SFTPA1: variants seen among roughly 807,000 people sequenced by gnomAD.
SFTPA1 encodes surfactant protein A1.
A neutral mutation model predicts 19.1 loss-of-function variants in SFTPA1; 13 were observed. The ratio of observed to expected loss-of-function variants is 0.68; its 90% CI spans 0.44 to 1.08. The LOEUF (loss-of-function observed/expected upper bound fraction) is 1.08. Ranked by LOEUF, SFTPA1 falls within the 50% of genes least tolerant of loss-of-function variation. SFTPA1 has a pLI of 0.00. For missense variants in SFTPA1, 259 were observed against 316.4 expected, an observed-to-expected ratio of 0.82 and a Z score of 1.38; for synonymous variants, 101 against 117.0, an observed-to-expected ratio of 0.86 and a Z score of 0.88.
chr10:79,614,109 T>C lies in SFTPA1; in HGVS notation c.743T>C (p.Phe248Ser), dbSNP rs1330324054. The C allele has an allele frequency of 6.2e-7, 1 of 1,613,990 alleles. No homozygotes were observed. The highest frequency in any genetic ancestry group is 1.7e-5 in the Admixed American group (1 of 60,034). The part of the protein sequence containing the change: ...CLYSRLTICE[F>S] The stretch of plus-strand genomic sequence containing the variant: ...TACTCCCGACTGACCATCTGTGAGT[T>C]CTGAGAGGCATTTAGGCCATGGGAC... The change falls in exon 6 of 6, where the codon TTC becomes TCC. Residue 248 changes from phenylalanine to serine, a missense_variant. Coordinates refer to ENST00000398636, the MANE Select transcript of SFTPA1 (RefSeq NM_005411.5).
chr10:79,611,766 G>C, intron 2 of SFTPA1, 37 bp from the exon 3 acceptor site: 1 of 1,613,728 alleles, frequency 6.2e-7, no homozygotes, highest in Non-Finnish European at 8.5e-7. Flanking sequence ...GATGTTGGCA[G>C]AGGTGGCAGA....
At chr10:79,611,419 G>A (rs961830234) in intron 2 of SFTPA1, 30 bp downstream of exon 2, 3 of 674,900 alleles carry the variant, frequency 4.4e-6, no homozygotes, top group Non-Finnish European at 7.4e-6. Context: ...GCCTGGGAGG[G>A]ACAGGGCAGG....
In SFTPA1 at chr10:79,614,188, T is replaced by C; in HGVS notation, c.*75T>C. Reference sequence around the variant, plus strand: ...CCATCCTGAGGCTCCACTTGGTCTGTGAGATGCTAGAACTCCCTTTCAACA... The same window carrying C: ...CCATCCTGAGGCTCCACTTGGTCTGCGAGATGCTAGAACTCCCTTTCAACA... On this transcript the variant is annotated 3_prime_UTR_variant, in exon 6 of 6. Transcript: ENST00000398636. 1 of 1,612,214 alleles carries C rather than the reference T, an allele frequency of 6.2e-7. No homozygotes were observed. Among genetic ancestry groups the C allele is most frequent in the South Asian group, 1.1e-5 (1 of 90,820 alleles).
In SFTPA1 at chr10:79,614,147, C is replaced by T. The variant is rs1059061; in HGVS notation, c.*34C>T. 2.0e-3 allele frequency: 3,215 copies of T among 1,614,168 alleles called. 7 individuals are homozygous for T. Among genetic ancestry groups the T allele is most frequent in the Admixed American group, 2.7e-3 (165 of 60,022 alleles). On this transcript the variant is annotated 3_prime_UTR_variant, in exon 6 of 6. Transcript: ENST00000398636. ...TAGGCCATGGGACAGGGAGGACGCT[C>T]TCTGGCCTTCGGCCTCCATCCTGAG...
At chr10:79,611,771 G>A (rs1207023587) in intron 2 of SFTPA1, 32 bp from the exon 3 acceptor site, 3 of 1,613,676 alleles carry the variant, frequency 1.9e-6, no homozygotes, top group Non-Finnish European at 2.5e-6. Context: ...TGGCAGAGGT[G>A]GCAGATGGGC....
At position 79,611,945 on chromosome 10, in the gene SFTPA1, C is replaced by T. The variant is rs746409766; in HGVS notation, c.120C>T (p.Gly40=). ...TCCCCGGCACTCCTGGATCCCACGG[C>T]CTGCCAGGCAGGGACGGGAGAGATG... is the stretch of plus-strand genomic sequence containing the variant. ...PGIPGTPGSH[G]LPGRDGRDGL... The change falls in exon 3 of 6, where the codon GGC becomes GGT. Residue 40 remains glycine (G), a synonymous_variant. Transcript: ENST00000398636. 46 of 1,613,708 alleles carry T rather than the reference C, an allele frequency of 2.9e-5. No individual in the cohort carries two copies. The highest frequency in any genetic ancestry group is 2.5e-4 in the Admixed American group (15 of 59,992).
chr10:79,615,113 A>G lies in SFTPA1; in HGVS notation c.*1000A>G, dbSNP rs1387159356. On this transcript the variant is annotated 3_prime_UTR_variant, in exon 6 of 6. Transcript: ENST00000398636. ...CACAGTTATTACCATCCCCCCAGCT[A>G]CCAAAATTACTACCAGAACTGTTAC... 1 of 1,302,892 alleles carries G rather than the reference A, an allele frequency of 7.7e-7. No individual in the cohort carries two copies. The highest frequency in any genetic ancestry group is 5.5e-5 in the East Asian group (1 of 18,032). The allele number at this position is 1,302,892 out of a possible 1,614,324, so 80.7% of individuals were successfully genotyped here.
chr10:79,612,499 G>C (rs1000273415), intron 4 of SFTPA1, 68 bp downstream of exon 4: 1 of 1,601,694 alleles, frequency 6.2e-7, no homozygotes, highest in African/African-American at 1.3e-5. Context: ...GTTACACGGG[G>C]ATGATGGGGA....
Position 79,614,238 on chromosome 10 carries a change from T to G in SFTPA1, c.*125T>G. ...AGAATTCACTTGTGGCTATTGGGACTGGAGGCACCCTTAGCCACTTCATTC... is the reference window on the plus strand; with the variant it reads ...AGAATTCACTTGTGGCTATTGGGACGGGAGGCACCCTTAGCCACTTCATTC... On this transcript the variant is annotated 3_prime_UTR_variant, in exon 6 of 6. Transcript: ENST00000398636. 1 of 1,518,236 alleles carries G rather than the reference T, an allele frequency of 6.6e-7. No homozygotes were observed. The highest frequency in any genetic ancestry group is 9.0e-7 in the Non-Finnish European group (1 of 1,109,990). The allele number at this position is 1,518,236 out of a possible 1,614,324, so 94.0% of individuals were successfully genotyped here.
Position 79,613,961 on chromosome 10 carries a change from C to A in SFTPA1, c.595C>A (p.Arg199Ser). Residue 199 changes from arginine (R) to serine (S), a missense_variant, in exon 6 of 6, where the codon CGC becomes AGC. Physicochemically the swap from Arg to Ser is moderately radical, Grantham distance 110. Transcript: ENST00000398636. ...LTEGPSPGDF[R>S]YSDGTPVNYT... ...TGAGGGTCCCAGCCCTGGAGACTTC[C>A]GCTACTCAGACGGGACCCCTGTAAA... 6.2e-7 allele frequency: 1 copy of A among 1,614,164 alleles called. No individual in the cohort carries two copies. Among genetic ancestry groups the A allele is most frequent in the Non-Finnish European group, 8.5e-7 (1 of 1,179,998 alleles).
In SFTPA1 at chr10:79,612,359, G is replaced by A. The variant is rs550604592; in HGVS notation, c.220G>A (p.Gly74Arg). 1.9e-6 allele frequency: 3 copies of A among 1,613,846 alleles called. No individual in the cohort carries two copies. Among genetic ancestry groups the A allele is most frequent in the Non-Finnish European group, 2.5e-6 (3 of 1,179,922 alleles). Reference protein sequence around the residue: ...GEMPCPPGNDGLPGAPGIPGE... With the variant: ...GEMPCPPGNDRLPGAPGIPGE... ...AATGCCATGTCCTCCTGGAAATGAT[G>A]GGCTGCCTGGAGCCCCTGGTATCCC... Residue 74 changes from glycine to arginine, a missense_variant, in exon 4 of 6, where the codon GGG becomes AGG. Physicochemically the swap from Gly to Arg is moderately radical, Grantham distance 125 (BLOSUM62 -2). Coordinates refer to ENST00000398636, the MANE Select transcript of SFTPA1 (RefSeq NM_005411.5).
rs940053632 is a variant in SFTPA1 at position 79,614,774 on chromosome 10, A to T, written c.*661A>T. ...CTTTGAATGGCAACTCAGCCCCCTG[A>T]CCTGAAGACAGCCAGCCTAGGCCTC... On this transcript the variant is annotated 3_prime_UTR_variant, in exon 6 of 6. Coordinates refer to ENST00000398636, the MANE Select transcript of SFTPA1 (RefSeq NM_005411.5). 5.8e-6 allele frequency: 2 copies of T among 345,402 alleles called. No homozygotes were observed. Among genetic ancestry groups the T allele is most frequent in the African/African-American group, 4.3e-5 (2 of 46,316 alleles). The allele number at this position is 345,402 out of a possible 1,614,324, so 21.4% of individuals were successfully genotyped here. A position where few individuals can be genotyped will look rare whatever the true frequency, so the allele number is the denominator to read the frequency against.
chr10:79,612,316 C>T lies in SFTPA1; in HGVS notation c.177C>T (p.Pro59=). The T allele has an allele frequency of 6.2e-7, 1 of 1,613,928 alleles. No homozygotes were observed. The highest frequency in any genetic ancestry group is 1.3e-5 in the African/African-American group (1 of 75,020). ...GLKGDPGPPG[P]MGPPGEMPCP... ...CCATGTCTCTTTTCTCTGCAGGCCC[C>T]ATGGGTCCACCTGGAGAAATGCCAT... Residue 59 remains proline, a synonymous_variant, in exon 4 of 6, where the codon CCC becomes CCT. Transcript: ENST00000398636.
rs947412862 is a variant in SFTPA1 at position 79,611,908 on chromosome 10, G to GA, written c.85dup (p.Ser29LysfsTer45). The GA allele has an allele frequency of 6.2e-7, 1 of 1,613,852 alleles. No individual in the cohort carries two copies. Among genetic ancestry groups the GA allele is most frequent in the Non-Finnish European group, 8.5e-7 (1 of 1,179,868 alleles). ...TGCGAAGTGAAGGACGTTTGTGTTGGAAGCCCTGGTATCCCCGGCACTCCT... is the reference window on the plus strand; with the variant it reads ...TGCGAAGTGAAGGACGTTTGTGTTGGAAAGCCCTGGTATCCCCGGCACTCCT... On this transcript the variant is annotated frameshift_variant, in exon 3 of 6. Coordinates refer to ENST00000398636, the MANE Select transcript of SFTPA1 (RefSeq NM_005411.5). LOFTEE classifies it high-confidence loss of function.
chr10:79,614,156 T>A lies in SFTPA1; in HGVS notation c.*43T>A. ...GGACAGGGAGGACGCTCTCTGGCCTTCGGCCTCCATCCTGAGGCTCCACTT... is the reference window on the plus strand; with the variant it reads ...GGACAGGGAGGACGCTCTCTGGCCTACGGCCTCCATCCTGAGGCTCCACTT... On this transcript the variant is annotated 3_prime_UTR_variant, in exon 6 of 6. Transcript: ENST00000398636. 6.2e-7 allele frequency: 1 copy of A among 1,614,212 alleles called. No individual in the cohort carries two copies.
rs777954520 is a variant in SFTPA1, at chr10:79,611,873, T to C, written c.48T>C (p.Ser16=). 6.2e-7 allele frequency: 1 copy of C among 1,613,998 alleles called. No homozygotes were observed. The highest frequency in any genetic ancestry group is 8.5e-7 in the Non-Finnish European group (1 of 1,179,864). The change falls in exon 3 of 6, where the codon TCT becomes TCC. Residue 16 remains serine, a synonymous_variant. Coordinates refer to ENST00000398636, the MANE Select transcript of SFTPA1 (RefSeq NM_005411.5). ...TCAACCTCATCTTGATGGCAGCCTC[T>C]GGTGCTGTGTGCGAAGTGAAGGACG... is the stretch of plus-strand genomic sequence containing the variant. ...LALNLILMAA[S]GAVCEVKDVC...
At chr10:79,612,083 C>T (rs1166837798) in intron 3 of SFTPA1, 86 bp downstream of exon 3, 5 of 1,583,244 alleles carry the variant, frequency 3.2e-6, no homozygotes, top group Non-Finnish European at 4.3e-6. Context: ...AGGCTGTGGG[C>T]CATAGTGAGC....
At chr10:79,613,316 C>T (rs4253523) in intron 5 of SFTPA1, 50 bp downstream of exon 5, 53,367 of 1,610,312 alleles carry the variant, frequency 0.033, 1,137 homozygotes, top group Middle Eastern at 0.095. Context: ...CACAAATTCC[C>T]CTCATTCTCA....
intron 5 of SFTPA1, 25 bp downstream of exon 5, chr10:79,613,291 G>C: frequency 2.5e-6 from 4 of 1,613,986 alleles, no homozygotes; most frequent in Middle Eastern, 1.6e-4. Flanking sequence ...TGGGCCTCAC[G>C]GGGTAGGAGT....
Sources: allele counts gnomAD v4.1 joint callset, GRCh38; gene constraint gnomAD v4.1.1; transcripts MANE v1.5; gene names NCBI Gene and HGNC (gene_info 2026-07-23, HGNC 2026-07-21).